R3HDM2: variants seen among roughly 807,000 people sequenced by gnomAD.
R3HDM2 encodes the protein R3H domain containing 2.
In R3HDM2, 38 loss-of-function variants were observed where a neutral mutation model predicts 124.5. The observed-to-expected ratio is 0.31, with a 90% CI of 0.24 to 0.40. The LOEUF is 0.40. Ranked by LOEUF, R3HDM2 falls within the 10% of genes least tolerant of loss-of-function variation. The pLI is 1.00. For synonymous variants in R3HDM2, 391 were observed against 448.0 expected, an observed-to-expected ratio of 0.87 and a Z score of 1.61; for missense variants, 869 against 1,236.9, an observed-to-expected ratio of 0.70 and a Z score of 4.46.
chr12:57,293,142 C>T (rs563138133), intron 10 of R3HDM2, among the ~76,000 whole-genome samples: 33 of 152,236 alleles, frequency 2.2e-4, no homozygotes, highest in African/African-American at 7.7e-4. Flanking sequence ...CTTATTTAGT[C>T]ACTAATGCCA....
intron 2 of R3HDM2, among the ~76,000 whole-genome samples, chr12:57,328,520 A>C (rs2057652513): frequency 6.6e-6 from 1 of 151,222 alleles, no homozygotes. Flanking sequence ...TTTAGCAATA[A>C]ACTTTTTTCA....
rs1263165037 is a variant in R3HDM2 at position 57,288,735 on chromosome 12, C to T, written c.938+274G>A. ...GGAAAAATATCCAATGTTGCAAAAA[C>T]CACAAATTTAATTATTCCACAAGCA... On this transcript the variant is annotated intron_variant, in intron 12 of 23. Coordinates refer to ENST00000402412, the MANE Select transcript of R3HDM2 (RefSeq NM_001394031.1). The T allele has an allele frequency of 9.3e-6, 8 of 862,990 alleles. No individual in the cohort carries two copies. The African/African-American group carries it at 1.4e-4, about 15-fold the overall frequency. The allele number at this position is 862,990 out of a possible 1,614,324, so 53.5% of individuals were successfully genotyped here.
intron 2 of R3HDM2, among the ~76,000 whole-genome samples, chr12:57,318,182 C>T (rs1419300207): frequency 1.3e-5 from 2 of 150,134 alleles, no homozygotes; most frequent in East Asian, 2.0e-4. Context: ...ATTCCAGCTA[C>T]TTGGGGGGCT....
intron 1 of R3HDM2, among the ~76,000 whole-genome samples, chr12:57,419,428 C>G (rs1276993483): frequency 6.6e-6 from 1 of 151,858 alleles, no homozygotes; most frequent in East Asian, 1.9e-4. Context: ...CAGGCATGAG[C>G]CACTGTATCT....
chr12:57,357,984 CTTTTTTTT>C (rs781730760), intron 2 of R3HDM2, among the ~76,000 whole-genome samples: 4 of 137,438 alleles, frequency 2.9e-5, no homozygotes, highest in Admixed American at 7.4e-5. Context: ...TTCTTTTTTT[CTTTTTTTT>C]TTTTTAGACA....
In R3HDM2 at chr12:57,430,493, C is replaced by G. The variant is rs542321116; in HGVS notation, c.-106+227G>C. On this transcript the variant is annotated intron_variant, in intron 1 of 23. Coordinates refer to ENST00000402412, the MANE Select transcript of R3HDM2 (RefSeq NM_001394031.1). ...CACAGGTGGCGCCACCCCCCTGCCC[C>G]CGCACCGCCGCCCTCCGCCCCGCGC... 1.7e-3 allele frequency: 1,612 copies of G among 941,796 alleles called. 31 individuals carry two copies. In the African/African-American group the frequency reaches 0.027, roughly 16 times the overall value. 58.3% of individuals were successfully genotyped at this position (941,796 alleles called of 1,614,324 possible).
chr12:57,338,078 C>T (rs542056659), intron 2 of R3HDM2, among the ~76,000 whole-genome samples: 3 of 152,260 alleles, frequency 2.0e-5, no homozygotes, highest in South Asian at 2.1e-4. Context: ...CTGAGATGGG[C>T]GGATCACCTG....
chr12:57,376,451 T>C (rs2064086497), intron 2 of R3HDM2, among the ~76,000 whole-genome samples: 1 of 152,222 alleles, frequency 6.6e-6, no homozygotes, highest in Non-Finnish European at 1.5e-5. Context: ...TGAACCATCC[T>C]ATTCTGTCTC....
chr12:57,375,154 A>C (rs2063881489), intron 2 of R3HDM2, among the ~76,000 whole-genome samples: 2 of 152,012 alleles, frequency 1.3e-5, no homozygotes, highest in South Asian at 4.1e-4. Context: ...ATTTCTCTGC[A>C]GCCATCAAAA....
chr12:57,416,195 AAC>A (rs2069577671), intron 1 of R3HDM2, among the ~76,000 whole-genome samples: 1 of 152,202 alleles, frequency 6.6e-6, no homozygotes, highest in African/African-American at 2.4e-5. Context: ...AATATACAGT[AAC>A]ACAAAAAACT....
At chr12:57,404,425 C>T (rs974723085) in intron 1 of R3HDM2, among the ~76,000 whole-genome samples, 1 of 151,466 alleles carries the variant, frequency 6.6e-6, no homozygotes, top group African/African-American at 2.4e-5. Context: ...TAGCCAGGCA[C>T]AGTGGCTCAC....
intron 2 of R3HDM2, among the ~76,000 whole-genome samples, chr12:57,360,024 C>CACATATATATATATAT (rs2061708817): frequency 8.5e-5 from 6 of 70,950 alleles, no homozygotes; most frequent in African/African-American, 2.0e-4. Flanking sequence ...TATATATATA[C>CACATATATATATATAT]ACACATATAT....
intron 19 of R3HDM2, among the ~76,000 whole-genome samples, chr12:57,264,958 A>G (rs529798349): frequency 6.6e-6 from 1 of 152,238 alleles, no homozygotes; most frequent in South Asian, 2.1e-4. Flanking sequence ...CTTTAACTGC[A>G]GTGTATTGCT....
chr12:57,309,678 A>C (rs1286551722), intron 3 of R3HDM2, among the ~76,000 whole-genome samples: 1 of 152,232 alleles, frequency 6.6e-6, no homozygotes, highest in Non-Finnish European at 1.5e-5. Flanking sequence ...TTTATGACTT[A>C]TTAAATATGC....
chr12:57,346,412 C>T (rs984234573), intron 2 of R3HDM2, among the ~76,000 whole-genome samples: 2 of 151,810 alleles, frequency 1.3e-5, no homozygotes, highest in Non-Finnish European at 2.9e-5. Context: ...GAGCCAAGAC[C>T]GTGCCATTGC....
At chr12:57,260,594 G>A (rs755231763) in intron 19 of R3HDM2, among the ~76,000 whole-genome samples, 1 of 152,096 alleles carries the variant, frequency 6.6e-6, no homozygotes, top group Non-Finnish European at 1.5e-5. Flanking sequence ...TCCCCGCAAG[G>A]GATTGTCTAG....
At chr12:57,302,960 T>G (rs886966692) in intron 4 of R3HDM2, among the ~76,000 whole-genome samples, 1 of 152,330 alleles carries the variant, frequency 6.6e-6, no homozygotes, top group South Asian at 2.1e-4. Context: ...CAAATGTGTA[T>G]ACACCTATGT....
intron 1 of R3HDM2, among the ~76,000 whole-genome samples, chr12:57,406,402 T>C (rs746572276): frequency 4.6e-5 from 7 of 152,086 alleles, no homozygotes; most frequent in Non-Finnish European, 7.4e-5. Flanking sequence ...GACTATTTTT[T>C]AAAAACTCAT....
chr12:57,422,351 C>A (rs2070300406), intron 1 of R3HDM2, among the ~76,000 whole-genome samples: 1 of 152,128 alleles, frequency 6.6e-6, no homozygotes, highest in Non-Finnish European at 1.5e-5. Context: ...ATATCAGGCA[C>A]CTAGGTACCT....
Sources: gnomAD v4.1 joint callset for allele counts (sites outside exome capture counted in the v4.1 genomes callset) on GRCh38, gnomAD v4.1.1 for gene constraint, MANE v1.5 for transcripts, NCBI Gene and HGNC (gene_info 2026-07-23, HGNC 2026-07-21) for gene names.